Variants in EXOC4 observed in about 807,000 individuals in gnomAD.
EXOC4 encodes the protein SEC8-like 1.
Under a neutral mutation model 107.2 loss-of-function variants are expected in EXOC4, and 71 were observed. The observed-to-expected ratio is 0.66, with a 90% confidence interval of 0.55 to 0.81. EXOC4 has a LOEUF of 0.81. Among genes scored for constraint, EXOC4 ranks in the 30% least tolerant of loss-of-function variants. The pLI is 0.00. For synonymous variants in EXOC4, 456 were observed against 441.2 expected, an observed-to-expected ratio of 1.03 and a Z score of -0.42; for missense variants, 1,108 against 1,189.6, an observed-to-expected ratio of 0.93 and a Z score of 1.01.
intron 17 of EXOC4, among the ~76,000 whole-genome samples, chr7:134,009,077 GA>G (rs1365419920): frequency 6.6e-6 from 1 of 152,156 alleles, no homozygotes; most frequent in African/African-American, 2.4e-5. Flanking sequence ...TAAGCAATTT[GA>G]AGATGATAGA....
intron 7 of EXOC4, among the ~76,000 whole-genome samples, chr7:133,400,455 T>G (rs1797064619): frequency 6.6e-6 from 1 of 152,246 alleles, no homozygotes; most frequent in African/African-American, 2.4e-5. Context: ...TCCTAGTATC[T>G]ATAGTGACCA....
chr7:133,833,995 A>G (rs1380398963), intron 11 of EXOC4, among the ~76,000 whole-genome samples: 2 of 152,162 alleles, frequency 1.3e-5, no homozygotes, highest in East Asian at 1.9e-4. Flanking sequence ...GATGGAACAC[A>G]CAGGAAGGGG....
chr7:133,622,102 G>A (rs1306391460), intron 9 of EXOC4, among the ~76,000 whole-genome samples: 1 of 152,038 alleles, frequency 6.6e-6, no homozygotes, highest in African/African-American at 2.4e-5. Context: ...AGCCTCCCAA[G>A]TACCTGGAAC....
At chr7:133,727,554 G>A (rs2151113202) in intron 10 of EXOC4, 1 of 153,880 alleles carries the variant, frequency 6.5e-6, no homozygotes, top group African/African-American at 2.4e-5. Flanking sequence ...TGCCTTTGGG[G>A]TTAGTATGTT....
intron 7 of EXOC4, among the ~76,000 whole-genome samples, chr7:133,450,199 G>C (rs999067912): frequency 3.9e-5 from 6 of 151,970 alleles, no homozygotes; most frequent in Non-Finnish European, 8.8e-5. Context: ...TTGAGACAGA[G>C]TCTTGCCCTG....
At chr7:133,709,487 C>T (rs1436178816) in intron 10 of EXOC4, among the ~76,000 whole-genome samples, 1 of 152,154 alleles carries the variant, frequency 6.6e-6, no homozygotes, top group Non-Finnish European at 1.5e-5. Context: ...GTTTTGAATA[C>T]ATCTGATCCA....
chr7:133,618,730 AG>A (rs1422859219), intron 9 of EXOC4, among the ~76,000 whole-genome samples: 1 of 152,184 alleles, frequency 6.6e-6, no homozygotes, highest in Non-Finnish European at 1.5e-5. Context: ...TTATCAATAT[AG>A]TACTCCATCA....
chr7:133,860,500 A>G (rs1199758538), intron 11 of EXOC4, among the ~76,000 whole-genome samples: 8 of 152,356 alleles, frequency 5.3e-5, no homozygotes, highest in African/African-American at 1.7e-4. Context: ...GTGAAAGTGA[A>G]GAAAGGACTA....
At chr7:133,346,811 G>A (rs1487335656) in intron 5 of EXOC4, among the ~76,000 whole-genome samples, 1 of 152,164 alleles carries the variant, frequency 6.6e-6, no homozygotes, top group Non-Finnish European at 1.5e-5. Context: ...TGTGTAATTT[G>A]TGTATCATGC....
chr7:133,866,286 T>C (rs1375208355), intron 11 of EXOC4, among the ~76,000 whole-genome samples: 1 of 152,202 alleles, frequency 6.6e-6, no homozygotes, highest in African/African-American at 2.4e-5. Flanking sequence ...CTTCTGTCCC[T>C]ACTACACACT....
At chr7:134,048,672 A>G (rs1795712833) in intron 17 of EXOC4, among the ~76,000 whole-genome samples, 1 of 152,042 alleles carries the variant, frequency 6.6e-6, no homozygotes, top group African/African-American at 2.4e-5. Flanking sequence ...GCCTCATCTC[A>G]GTAAAGTTGT....
rs546868383 is a variant in EXOC4, at chr7:133,257,555, G to A, written c.86+4368G>A. 5.9e-5 allele frequency among the ~76,000 whole-genome samples: 9 copies of A among 152,300 alleles called. No homozygotes were observed. In the South Asian group the frequency reaches 1.9e-3, roughly 32 times the overall value. On this transcript the variant is annotated intron_variant, in intron 1 of 17. Transcript: ENST00000253861. Reference sequence around the variant, plus strand: ...AGATTTTTAATTGGGAAATGTGTCTGCCACTTACTGTTAGGTGATTTGCTT... The same window carrying A: ...AGATTTTTAATTGGGAAATGTGTCTACCACTTACTGTTAGGTGATTTGCTT...
chr7:133,837,866 CT>C (rs1211611086), intron 11 of EXOC4, among the ~76,000 whole-genome samples: 1 of 152,110 alleles, frequency 6.6e-6, no homozygotes, highest in Non-Finnish European at 1.5e-5. Context: ...ACTTAGAAAA[CT>C]TAAGGATATT....
chr7:133,798,022 A>G (rs1243021099), intron 10 of EXOC4, among the ~76,000 whole-genome samples: 4 of 152,168 alleles, frequency 2.6e-5, no homozygotes, highest in Admixed American at 2.6e-4. Flanking sequence ...CTGGCACCCT[A>G]CTGAAGTCAG....
chr7:133,721,531 G>A (rs889470800), intron 10 of EXOC4, among the ~76,000 whole-genome samples: 4 of 152,126 alleles, frequency 2.6e-5, no homozygotes. Context: ...TTAAGATTTA[G>A]AAAAAGAAAA....
intron 3 of EXOC4, among the ~76,000 whole-genome samples, chr7:133,299,082 G>T (rs1794586423): frequency 6.6e-6 from 1 of 152,196 alleles, no homozygotes; most frequent in Non-Finnish European, 1.5e-5. Flanking sequence ...AAAGAACTAG[G>T]TTAAAATATT....
intron 9 of EXOC4, among the ~76,000 whole-genome samples, chr7:133,598,941 G>A (rs1013793046): frequency 2.6e-5 from 4 of 152,154 alleles, no homozygotes; most frequent in East Asian, 1.9e-4. Flanking sequence ...CCAAGATCGC[G>A]CCACTGCATT....
chr7:133,553,633 A>G (rs1800633488), intron 9 of EXOC4, among the ~76,000 whole-genome samples: 1 of 152,164 alleles, frequency 6.6e-6, no homozygotes, highest in Non-Finnish European at 1.5e-5. Context: ...CATCTCAGAT[A>G]TGACTTTGTC....
chr7:133,629,356 T>A (rs1459272426), intron 9 of EXOC4, among the ~76,000 whole-genome samples: 1 of 152,186 alleles, frequency 6.6e-6, no homozygotes, highest in Non-Finnish European at 1.5e-5. Context: ...AGGCACTTCA[T>A]CCTTTCTCTG....
Sources: allele counts gnomAD v4.1 joint callset (sites outside exome capture counted in the v4.1 genomes callset), GRCh38; gene constraint gnomAD v4.1.1; transcripts MANE v1.5; gene names NCBI Gene and HGNC (gene_info 2026-07-23, HGNC 2026-07-21).